Variants in EP400 observed in about 807,000 individuals in gnomAD.
EP400 encodes the protein E1A-binding protein p400.
A neutral mutation model predicts 354.1 loss-of-function variants in EP400; 105 were observed. That is an observed-to-expected ratio of 0.30 (90% CI 0.25 to 0.35). The LOEUF is 0.35. Among genes scored for constraint, EP400 ranks in the 10% least tolerant of loss-of-function variants. EP400 has a pLI of 1.00. For missense variants in EP400, 3,280 were observed against 4,121.0 expected, an observed-to-expected ratio of 0.80 and a Z score of 5.59; for synonymous variants, 1,646 against 1,716.9, an observed-to-expected ratio of 0.96 and a Z score of 1.02.
chr12:132,053,714 C>T, intron 43 of EP400, 117 bp downstream of exon 43: 10 of 1,140,552 alleles, frequency 8.8e-6, no homozygotes, highest in Non-Finnish European at 1.2e-5. Context: ...ACATTTCCAG[C>T]TTGTAGACCT....
chr12:131,984,422 G>A (rs1039647272), intron 5 of EP400, among the ~76,000 whole-genome samples: 1 of 152,128 alleles, frequency 6.6e-6, no homozygotes, highest in Admixed American at 6.5e-5. Flanking sequence ...GGCCAGAAAA[G>A]CCAGCAACTG....
At chr12:132,026,587 C>T (rs574998041) in intron 25 of EP400, among the ~76,000 whole-genome samples, 8 of 152,240 alleles carry the variant, frequency 5.3e-5, no homozygotes, top group Middle Eastern at 3.4e-3. Flanking sequence ...CAGGTTTTGC[C>T]GCTACCCCCA....
In EP400 at chr12:131,990,182, C is replaced by G. The variant is rs193288474; in HGVS notation, c.2550+78C>G. On this transcript the variant is annotated intron_variant, in intron 8 of 52. Coordinates refer to ENST00000389561, the MANE Select transcript of EP400 (RefSeq NM_015409.5). This position sits in a 1 kb window ranked among gnomAD's most constrained non-coding sequence, Gnocchi z 4.2. Reference sequence around the variant, plus strand: ...GAGGCCACTTCCCGAGACCAGAGCTCGGGCACCTTGCTTAGGAAGCTTTCG... The same window carrying G: ...GAGGCCACTTCCCGAGACCAGAGCTGGGGCACCTTGCTTAGGAAGCTTTCG... The G allele has an allele frequency of 5.2e-4, 788 of 1,514,380 alleles. 4 individuals carry two copies. The East Asian group carries it at 8.2e-3, about 16-fold the overall frequency. The allele number at this position is 1,514,380 out of a possible 1,614,324, so 93.8% of individuals were successfully genotyped here.
intron 30 of EP400, among the ~76,000 whole-genome samples, chr12:132,032,934 CTAT>C (rs1021087456): frequency 2.7e-5 from 4 of 147,498 alleles, no homozygotes; most frequent in South Asian, 2.2e-4. Context: ...CAGCCAAAAT[CTAT>C]TATTATGTTT....
chr12:132,004,296 G>GA (rs1243542042), intron 12 of EP400, among the ~76,000 whole-genome samples: 1 of 152,156 alleles, frequency 6.6e-6, no homozygotes, highest in Non-Finnish European at 1.5e-5. Context: ...GATTTCCAGG[G>GA]ATGATTAATG....
At position 132,023,818 on chromosome 12, in the gene EP400, G is replaced by A. The variant is rs554116013; in HGVS notation, c.4732G>A (p.Gly1578Arg). The change falls in exon 24 of 53, where the codon GGA becomes AGA. Residue 1578 changes from glycine to arginine, a missense_variant. Physicochemically the swap from Gly to Arg is moderately radical, Grantham distance 125. Transcript: ENST00000389561. ...AATAGCTCAGCTGGCATCCATCACAGGACCACAGAGCCGCGTGGCTCAGCC... is the reference window on the plus strand; with the variant it reads ...AATAGCTCAGCTGGCATCCATCACAAGACCACAGAGCCGCGTGGCTCAGCC... ...VKIAQLASIT[G>R]PQSRVAQPET... The A allele has an allele frequency of 1.9e-6, 3 of 1,613,836 alleles. No homozygotes were observed. Among genetic ancestry groups the A allele is most frequent in the Non-Finnish European group, 2.5e-6 (3 of 1,179,970 alleles).
chr12:131,982,388 C>T lies in EP400; in HGVS notation c.1839C>T (p.Ile613=). Residue 613 remains isoleucine (I), a synonymous_variant, in exon 5 of 53, where the codon ATC becomes ATT. Transcript: ENST00000389561. The stretch of plus-strand genomic sequence containing the variant: ...CACCGCCCAGCAGCCAACTCCCCAT[C>T]CCTCCCTCGCAGCCTGCACAGCTGG... The part of the protein sequence containing the change: ...IPAPPSSQLP[I]PPSQPAQLAL... The T allele has an allele frequency of 6.2e-7, 1 of 1,614,186 alleles. No individual in the cohort carries two copies.
At chr12:131,986,845 T>G in intron 6 of EP400, 38 bp downstream of exon 6, 1 of 1,558,332 alleles carries the variant, frequency 6.4e-7, no homozygotes, top group Middle Eastern at 1.7e-4. Context: ...TGTACTCCAG[T>G]TGGTGAAGCA....
rs1346528779 is a variant in EP400, at chr12:132,029,800, G to C, written c.5481G>C (p.Gln1827His). ...GCCACAGAATGAGGATCTTGAGGCA[G>C]GGCCTGAGAGAGCACGCTGCGCCGT... Reference protein sequence around the residue: ...LYSHRMRILRQGLREHAAPYF... With the variant: ...LYSHRMRILRHGLREHAAPYF... Residue 1827 changes from glutamine to histidine, a missense_variant, in exon 28 of 53, where the codon CAG becomes CAC. Gln to His is a conservative substitution (Grantham distance 24). Coordinates refer to ENST00000389561, the MANE Select transcript of EP400 (RefSeq NM_015409.5). This position sits in a 1 kb window ranked among gnomAD's most constrained non-coding sequence, Gnocchi z 4.7. The C allele has an allele frequency of 6.2e-7, 1 of 1,613,666 alleles. No homozygotes were observed. The highest frequency in any genetic ancestry group is 1.7e-5 in the Admixed American group (1 of 60,036).
In EP400 at chr12:132,029,069, G is replaced by T. The variant is rs1894398222; in HGVS notation, c.5382-632G>T. 1 of 152,826 alleles carries T rather than the reference G, an allele frequency of 6.5e-6. No individual in the cohort carries two copies. Among genetic ancestry groups the T allele is most frequent in the Admixed American group, 6.5e-5 (1 of 15,348 alleles). 9.5% of individuals were successfully genotyped at this position (152,826 alleles called of 1,614,324 possible). ...GGAGTGACTATGTCAGTGACCTTGT[G>T]CTCCTGGAGTTTTTCTTTCGAGTAC... On this transcript the variant is annotated intron_variant, in intron 27 of 52. Transcript: ENST00000389561. This position sits in a 1 kb window ranked among gnomAD's most constrained non-coding sequence, Gnocchi z 4.7.
At chr12:131,950,415 G>C (rs1891427698) in intron 1 of EP400, among the ~76,000 whole-genome samples, 1 of 152,202 alleles carries the variant, frequency 6.6e-6, no homozygotes, top group African/African-American at 2.4e-5. Context: ...GGTGGCTCTT[G>C]CTCCTGGCGC....
Position 132,006,132 on chromosome 12 carries a change from G to C in EP400, c.2956G>C (p.Asp986His). 2.5e-6 allele frequency: 4 copies of C among 1,614,036 alleles called. No individual in the cohort carries two copies. The highest frequency in any genetic ancestry group is 3.4e-6 in the Non-Finnish European group (4 of 1,179,950). ...GEEDADDCPG[D>H]RESRKDLVLI... is the part of the protein sequence containing the mutation. Reference sequence around the variant, plus strand: ...TACAGATGCAGATGACTGTCCAGGCGACAGGGAGAGTCGCAAGGACTTGGT... The same window carrying C: ...TACAGATGCAGATGACTGTCCAGGCCACAGGGAGAGTCGCAAGGACTTGGT... The change falls in exon 14 of 53, where the codon GAC (aspartate) becomes CAC (histidine). Residue 986 changes from aspartate (D) to histidine (H), a missense_variant. Asp to His is a moderately conservative substitution (Grantham distance 81). Transcript: ENST00000389561.
Position 132,075,401 on chromosome 12 carries a change from TG to T in EP400, c.9022-1114del, listed in dbSNP as rs1361231006. 6.6e-6 allele frequency among the ~76,000 whole-genome samples: 1 copy of T among 152,172 alleles called. No homozygotes were observed. The highest frequency in any genetic ancestry group is 1.5e-5 in the Non-Finnish European group (1 of 68,036). On this transcript the variant is annotated intron_variant, in intron 51 of 52. Transcript: ENST00000389561. This position sits in a 1 kb window ranked among gnomAD's most constrained non-coding sequence, Gnocchi z 4.5. Reference sequence around the variant, plus strand: ...CTTAGGTTTGGAGACTGGCAGTTCCTGACTCTTTGCAGGTTTCTTGGTACAT... The same window carrying T: ...CTTAGGTTTGGAGACTGGCAGTTCCTACTCTTTGCAGGTTTCTTGGTACAT...
At position 131,990,128 on chromosome 12, in the gene EP400, G is replaced by T; in HGVS notation, c.2550+24G>T. On this transcript the variant is annotated intron_variant, in intron 8 of 52. Coordinates refer to ENST00000389561, the MANE Select transcript of EP400 (RefSeq NM_015409.5). This position sits in a 1 kb window ranked among gnomAD's most constrained non-coding sequence, Gnocchi z 4.2. ...AGGCGAGTGCTGCCGTTGTCATGGG[G>T]TCGTAAGAATCAGTCTGTCGGAGCT... The T allele has an allele frequency of 6.3e-7, 1 of 1,585,530 alleles. No homozygotes were observed. The highest frequency in any genetic ancestry group is 1.1e-5 in the South Asian group (1 of 87,474).
chr12:132,055,054 C>T (rs1246679492), intron 44 of EP400, 35 bp downstream of exon 44: 2 of 1,613,466 alleles, frequency 1.2e-6, no homozygotes, highest in African/African-American at 1.3e-5. Context: ...AATGTGGACC[C>T]CATTTCTCCT....
chr12:132,074,195 G>A (rs906509432), intron 51 of EP400, among the ~76,000 whole-genome samples: 1 of 152,124 alleles, frequency 6.6e-6, no homozygotes, highest in African/African-American at 2.4e-5. Context: ...AAAGTGCTGG[G>A]ATTACAGGCA....
At chr12:132,031,239 T>A (rs778487866) in intron 29 of EP400, 12 of 519,038 alleles carry the variant, frequency 2.3e-5, no homozygotes, top group Non-Finnish European at 4.6e-5. Flanking sequence ...TCAGCCTTAC[T>A]CCAGGGACTT....
chr12:132,013,817 TG>T lies in EP400; in HGVS notation c.3829del (p.Glu1277LysfsTer4). On this transcript the variant is annotated frameshift_variant, in exon 19 of 53. Coordinates refer to ENST00000389561, the MANE Select transcript of EP400 (RefSeq NM_015409.5). LOFTEE classifies it high-confidence loss of function. The surrounding 1 kb of genome is among the most constrained non-coding windows in gnomAD (Gnocchi z 4.5). ...ATTTTGAGGAGAACTAAGAGAGATG[TG>T]GAAAAGCAACTAACAAAGAAATATG... ...PFILRRTKRD[V>X]EKQLTKKYEH... The T allele has an allele frequency of 6.2e-7, 1 of 1,614,256 alleles. No individual in the cohort carries two copies. The highest frequency in any genetic ancestry group is 8.5e-7 in the Non-Finnish European group (1 of 1,180,054).
chr12:132,015,491 G>T (rs1893897676), intron 19 of EP400, among the ~76,000 whole-genome samples: 1 of 152,202 alleles, frequency 6.6e-6, no homozygotes, highest in Non-Finnish European at 1.5e-5. Context: ...CGTTGACCAC[G>T]CCCTGCGTAC....
Sources: gnomAD v4.1 joint callset for allele counts (sites outside exome capture counted in the v4.1 genomes callset) on GRCh38, gnomAD v4.1.1 for gene constraint, Gnocchi (gnomAD v3.1) non-coding constraint, MANE v1.5 for transcripts, NCBI Gene and HGNC (gene_info 2026-07-23, HGNC 2026-07-21) for gene names.